The following PACS2 variants were observed in gnomAD, a reference collection of about 807,000 sequenced individuals.
PACS2 encodes the protein phosphofurin acidic cluster sorting protein 2, also known as PACS1-like protein.
Under a neutral mutation model 113.0 loss-of-function variants are expected in PACS2, and 36 were observed. That is an observed-to-expected ratio of 0.32 (90% CI 0.24 to 0.42). The LOEUF (loss-of-function observed/expected upper bound fraction) is 0.42. PACS2 is among the 10% of genes least tolerant of loss of function. The pLI, the probability that PACS2 is intolerant of heterozygous loss-of-function variation, is 1.00. For synonymous variants in PACS2, 589 were observed against 536.1 expected, an observed-to-expected ratio of 1.10 and a Z score of -1.36; for missense variants, 1,015 against 1,239.5, an observed-to-expected ratio of 0.82 and a Z score of 2.72.
upstream of PACS2, among the ~76,000 whole-genome samples, chr14:105,310,295 T>C (rs1490537282): frequency 5.4e-5 from 8 of 149,194 alleles, no homozygotes; most frequent in African/African-American, 1.5e-4. Context: ...CTTTGGGAGG[T>C]CGAGGCGGGC....
intron 1 of PACS2, among the ~76,000 whole-genome samples, chr14:105,341,467 C>T (rs1385726405): frequency 6.6e-6 from 1 of 152,134 alleles, no homozygotes; most frequent in Non-Finnish European, 1.5e-5. Flanking sequence ...ACTTTCGTTG[C>T]TGTTGAATCT....
chr14:105,368,829 G>A (rs2061047391), intron 7 of PACS2, among the ~76,000 whole-genome samples: 1 of 152,226 alleles, frequency 6.6e-6, no homozygotes, highest in Admixed American at 6.5e-5. Context: ...CAGAAACTCC[G>A]GGAGGCCATC....
intron 1 of PACS2, among the ~76,000 whole-genome samples, chr14:105,308,100 T>C: frequency 6.6e-6 from 1 of 151,874 alleles, no homozygotes; most frequent in Non-Finnish European, 1.5e-5. Context: ...GGAGAATCGC[T>C]TGAACCCAGG....
At chr14:105,339,891 T>G (rs1471632871) in intron 1 of PACS2, among the ~76,000 whole-genome samples, 1 of 151,960 alleles carries the variant, frequency 6.6e-6, no homozygotes, top group Non-Finnish European at 1.5e-5. Flanking sequence ...TGATCAGCCC[T>G]CCTCGGCCTC....
rs967396989 is a variant in PACS2 at position 105,356,011 on chromosome 14, C to T, written c.423+834C>T. 1.3e-5 allele frequency among the ~76,000 whole-genome samples: 2 copies of T among 152,090 alleles called. No individual in the cohort carries two copies. The highest frequency in any genetic ancestry group is 2.9e-5 in the Non-Finnish European group (2 of 67,996). ...TGGGGCATGTGAAGCTGGGTTGCTG[C>T]CTGCCTGGGGCCTGGGAAGGTCAGC... On this transcript the variant is annotated intron_variant, in intron 4 of 24. Transcript: ENST00000447393. The surrounding 1 kb of genome is among the most constrained non-coding windows in gnomAD (Gnocchi z 4.0).
In PACS2 at chr14:105,368,311, G is replaced by A. The variant is rs1245100622; in HGVS notation, c.661-148G>A. The A allele has an allele frequency of 1.7e-5, 14 of 809,638 alleles. No individual in the cohort carries two copies. In the Admixed American group the frequency reaches 2.3e-4, roughly 13 times the overall value. 50.2% of individuals were successfully genotyped at this position (809,638 alleles called of 1,614,324 possible). A position where few individuals can be genotyped will look rare whatever the true frequency, so the allele number is the denominator to read the frequency against. On this transcript the variant is annotated intron_variant, in intron 6 of 24. Coordinates refer to ENST00000447393, the MANE Select transcript of PACS2 (RefSeq NM_001100913.3). ...TCTCGTCTCCCGACCCCAGGGGCCC[G>A]AGTTTATGCTCAGGTGGCTCTGAGA...
chr14:105,394,230 G>A, intron 24 of PACS2: 1 of 985,354 alleles, frequency 1.0e-6, no homozygotes, highest in African/African-American at 1.7e-5. Context: ...CTGTGCAGGT[G>A]GAAGTGGATG....
chr14:105,380,531 A>C (rs28656831), intron 11 of PACS2, among the ~76,000 whole-genome samples: 2 of 125,204 alleles, frequency 1.6e-5, no homozygotes, highest in African/African-American at 3.1e-5. Context: ...CCCTGGACTC[A>C]CCCCACCCTC....
At chr14:105,390,736 C>A (rs782324336) in intron 20 of PACS2, 7 of 190,962 alleles carry the variant, frequency 3.7e-5, no homozygotes, top group Non-Finnish European at 6.5e-5. Context: ...CAGCGGCTGC[C>A]CAAAGAGCTT....
At chr14:105,362,224 C>G (rs375954362) in intron 4 of PACS2, among the ~76,000 whole-genome samples, 1 of 151,160 alleles carries the variant, frequency 6.6e-6, no homozygotes, top group Non-Finnish European at 1.5e-5. Context: ...CAAGACCATC[C>G]TGGCTAACAC....
rs34512863 is a variant in PACS2 at position 105,383,621 on chromosome 14, G to A, written c.1780+108G>A. ...GGCGTGTTGTGTGGCGTGGCGTGGC[G>A]CGGTGTGTCGTGGTGTGGCGCGGTG... is the stretch of plus-strand genomic sequence containing the variant. On this transcript the variant is annotated intron_variant, in intron 16 of 24. Transcript: ENST00000447393. The A allele has an allele frequency of 5.4e-3, 5,854 of 1,092,984 alleles. 24 individuals are homozygous for A. The highest frequency in any genetic ancestry group is 7.2e-3 in the Middle Eastern group (32 of 4,456). 67.7% of individuals were successfully genotyped at this position (1,092,984 alleles called of 1,614,324 possible).
intron 11 of PACS2, among the ~76,000 whole-genome samples, chr14:105,380,629 C>G (rs1329512351): frequency 6.6e-6 from 1 of 152,216 alleles, no homozygotes; most frequent in Non-Finnish European, 1.5e-5. Flanking sequence ...CCCGGACTCC[C>G]CCCACCCTCA....
chr14:105,384,268 CG>C, intron 16 of PACS2, 84 bp from the exon 17 acceptor site: 1 of 755,482 alleles, frequency 1.3e-6, no homozygotes, highest in East Asian at 2.6e-5. Flanking sequence ...GGCCTGGGGT[CG>C]GGTGGCCCAG....
At chr14:105,367,930 C>T (rs2060998060) in intron 5 of PACS2, 144 bp from the exon 6 acceptor site, 1 of 671,412 alleles carries the variant, frequency 1.5e-6, no homozygotes, top group African/African-American at 1.8e-5. Flanking sequence ...GGCCACGGCA[C>T]CTGTGTCTGG....
At chr14:105,381,439 A>G (rs1315152105) in intron 12 of PACS2, among the ~76,000 whole-genome samples, 1 of 152,052 alleles carries the variant, frequency 6.6e-6, no homozygotes, top group Non-Finnish European at 1.5e-5. Flanking sequence ...TTTCAATTTC[A>G]TGTTTCTGTG....
chr14:105,368,429 T>C, intron 6 of PACS2, 30 bp from the exon 7 acceptor site: 2 of 1,568,818 alleles, frequency 1.3e-6, no homozygotes, highest in Non-Finnish European at 1.8e-6. Context: ...CAGGCTGCCG[T>C]GGCCTCAGCC....
intron 14 of PACS2, 90 bp from the exon 15 acceptor site, chr14:105,382,717 C>T: frequency 1.0e-6 from 1 of 966,060 alleles, no homozygotes; most frequent in Admixed American, 2.0e-5. Flanking sequence ...CCTGGGGTCT[C>T]TGGAGCCCCT....
At chr14:105,326,276 G>C (rs1020733080) in intron 1 of PACS2, among the ~76,000 whole-genome samples, 1 of 152,250 alleles carries the variant, frequency 6.6e-6, no homozygotes, top group African/African-American at 2.4e-5. Context: ...CTGGACACGG[G>C]TGGGGCGGGG....
chr14:105,384,758 G>C (rs1250326864), intron 17 of PACS2, 121 bp from the exon 18 acceptor site: 2 of 691,036 alleles, frequency 2.9e-6, no homozygotes, highest in Non-Finnish European at 5.3e-6. Context: ...TGCAACCAGC[G>C]AGCCCTGCCG....
Sources: gnomAD v4.1 joint callset for allele counts (sites outside exome capture counted in the v4.1 genomes callset) on GRCh38, gnomAD v4.1.1 for gene constraint, Gnocchi (gnomAD v3.1) non-coding constraint, MANE v1.5 for transcripts, NCBI Gene and HGNC (gene_info 2026-07-23, HGNC 2026-07-21) for gene names.